Variants in IMMP2L observed in about 807,000 individuals in gnomAD.
IMMP2L encodes inner mitochondrial membrane peptidase subunit 2, also known as mitochondrial inner membrane protease subunit 2.
Under a neutral mutation model 19.3 loss-of-function variants are expected in IMMP2L, and 18 were observed. The ratio of observed to expected loss-of-function variants is 0.93; its 90% confidence interval spans 0.64 to 1.38. The LOEUF is 1.38. Ranked by LOEUF, IMMP2L falls within the 40% of genes most tolerant of loss-of-function variation. The pLI is 0.00. For synonymous variants in IMMP2L, 76 were observed against 73.0 expected (o/e 1.04, Z -0.21); for missense variants, 233 against 218.2 (o/e 1.07, Z -0.43).
chr7:110,997,066 C>T (rs1056260927), intron 3 of IMMP2L, among the ~76,000 whole-genome samples: 1 of 151,966 alleles, frequency 6.6e-6, no homozygotes, highest in African/African-American at 2.4e-5. Context: ...CACCTCCTTC[C>T]CTCTCCCCCA....
intron 3 of IMMP2L, among the ~76,000 whole-genome samples, chr7:111,146,760 T>C (rs1162278715): frequency 6.6e-6 from 1 of 152,108 alleles, no homozygotes; most frequent in Non-Finnish European, 1.5e-5. Context: ...AAGAAACGTT[T>C]TGAAAAAAAC....
At chr7:110,787,267 A>G (rs1251988267) in intron 5 of IMMP2L, among the ~76,000 whole-genome samples, 2 of 151,968 alleles carry the variant, frequency 1.3e-5, no homozygotes, top group African/African-American at 4.8e-5. Context: ...ACATTTTCCT[A>G]ATAGGTAAGA....
At position 110,695,919 on chromosome 7, in the gene IMMP2L, T is replaced by C. The variant is rs544173841; in HGVS notation, c.409-32198A>G. On this transcript the variant is annotated intron_variant, in intron 5 of 5. Coordinates refer to ENST00000405709, the MANE Select transcript of IMMP2L (RefSeq NM_032549.4). ...ACAGGTTAATAAACTGAAGTCTTTG[T>C]CTCCAAAAGCTAACACTCTAATACA... 5.9e-5 allele frequency among the ~76,000 whole-genome samples: 9 copies of C among 152,312 alleles called. No homozygotes were observed. In the South Asian group the frequency reaches 1.9e-3, roughly 32 times the overall value.
chr7:111,058,206 C>G (rs1216042611), intron 3 of IMMP2L, among the ~76,000 whole-genome samples: 2 of 152,098 alleles, frequency 1.3e-5, no homozygotes, highest in African/African-American at 2.4e-5. Flanking sequence ...CATCCTTTTT[C>G]TAACTCAGGC....
chr7:110,804,159 A>C (rs1801453348), intron 5 of IMMP2L, among the ~76,000 whole-genome samples: 1 of 152,090 alleles, frequency 6.6e-6, no homozygotes, highest in Non-Finnish European at 1.5e-5. Context: ...TATCATCTCC[A>C]AACACCCAGG....
intron 3 of IMMP2L, among the ~76,000 whole-genome samples, chr7:111,484,552 A>G (rs971044224): frequency 2.0e-5 from 3 of 152,196 alleles, no homozygotes; most frequent in Non-Finnish European, 1.5e-5. Flanking sequence ...ACACTTCTGT[A>G]TGTGTCACAC....
At chr7:111,487,534 G>T (rs893563699) in intron 2 of IMMP2L, among the ~76,000 whole-genome samples, 193 bp from the exon 3 acceptor site, 1 of 151,938 alleles carries the variant, frequency 6.6e-6, no homozygotes, top group African/African-American at 2.4e-5. Flanking sequence ...AGATGAACCA[G>T]AAAAAAATAA....
At position 110,886,618 on chromosome 7, in the gene IMMP2L, CTG is replaced by C; in HGVS notation, c.381_382del (p.His127GlnfsTer3). 1.9e-6 allele frequency: 3 copies of C among 1,604,134 alleles called. No homozygotes were observed. Among genetic ancestry groups the C allele is most frequent in the Non-Finnish European group, 2.6e-6 (3 of 1,171,170 alleles). ...CGGCCCAAAAGAATTACTGTCAAAA[CTG>C]TGTCCATGATGATCACCTTCAACCC... On this transcript the variant is annotated frameshift_variant, in exon 5 of 6. Transcript: ENST00000405709. LOFTEE classifies it high-confidence loss of function.
chr7:111,559,385 C>T (rs568005061), intron 1 of IMMP2L, among the ~76,000 whole-genome samples: 1 of 152,196 alleles, frequency 6.6e-6, no homozygotes, highest in Admixed American at 6.5e-5. Flanking sequence ...AATGGAAATC[C>T]TAAGTTTAAG....
At chr7:110,896,213 C>T (rs371925085) in intron 4 of IMMP2L, among the ~76,000 whole-genome samples, 4 of 152,114 alleles carry the variant, frequency 2.6e-5, no homozygotes, top group East Asian at 3.9e-4. Flanking sequence ...AGCATAATTA[C>T]AGACATTATA....
chr7:110,753,530 C>T (rs1327679700), intron 5 of IMMP2L, among the ~76,000 whole-genome samples: 1 of 151,960 alleles, frequency 6.6e-6, no homozygotes, highest in Admixed American at 6.6e-5. Flanking sequence ...ATGCTGAATT[C>T]TAAACTATTA....
chr7:111,362,968 T>G (rs1829404162), intron 3 of IMMP2L, among the ~76,000 whole-genome samples: 1 of 152,072 alleles, frequency 6.6e-6, no homozygotes, highest in Non-Finnish European at 1.5e-5. Context: ...AGGACTTAGA[T>G]TCCTTCAAAA....
chr7:111,101,731 G>C (rs923764246), intron 3 of IMMP2L, among the ~76,000 whole-genome samples: 3 of 151,394 alleles, frequency 2.0e-5, no homozygotes, highest in Admixed American at 6.6e-5. Flanking sequence ...AAATGAGTTA[G>C]GGGTTTGATT....
rs760392143 is a variant in IMMP2L, at chr7:111,123,504, C to T, written c.240-159939G>A. ...AAAACTTAGAAAGCATCTCTTTTTA[C>T]GATAACAGGCTTATTAAAGTACCCC... On this transcript the variant is annotated intron_variant, in intron 3 of 5. Transcript: ENST00000405709. The surrounding 1 kb of genome is among the most constrained non-coding windows in gnomAD (Gnocchi z 6.4). The T allele has an allele frequency of 1.4e-5, 23 of 1,613,620 alleles. No individual in the cohort carries two copies. Among genetic ancestry groups the T allele is most frequent in the Admixed American group, 1.0e-4 (6 of 59,904 alleles).
At chr7:110,969,008 C>G (rs1181098128) in intron 3 of IMMP2L, among the ~76,000 whole-genome samples, 1 of 151,978 alleles carries the variant, frequency 6.6e-6, no homozygotes, top group Non-Finnish European at 1.5e-5. Flanking sequence ...TTCAGGTTCT[C>G]TTTCATGGGA....
Position 111,501,095 on chromosome 7 carries a change from TACCTAGAATA to T in IMMP2L, c.136-13764_136-13755del, listed in dbSNP as rs1400231585. ...TTTGAAAAAAAATTAGACGAATGGA[TACCTAGAATA>T]ACCAATGCAGAGAAGTCCTTAAAGG... is the stretch of plus-strand genomic sequence containing the variant. On this transcript the variant is annotated intron_variant, in intron 2 of 5. Coordinates refer to ENST00000405709, the MANE Select transcript of IMMP2L (RefSeq NM_032549.4). Among the ~76,000 whole-genome samples the T allele has an allele frequency of 8.9e-4, 135 of 152,128 alleles. 3 individuals are homozygous for T. The highest frequency in any genetic ancestry group is 3.1e-4 in the Non-Finnish European group (21 of 67,990).
intron 3 of IMMP2L, among the ~76,000 whole-genome samples, chr7:111,374,414 T>C (rs1830506227): frequency 6.6e-6 from 1 of 151,918 alleles, no homozygotes; most frequent in African/African-American, 2.4e-5. Flanking sequence ...TAGAACTTAG[T>C]GATGAGAAGC....
intron 5 of IMMP2L, among the ~76,000 whole-genome samples, chr7:110,800,362 TG>T (rs1411969978): frequency 6.6e-6 from 1 of 152,084 alleles, no homozygotes; most frequent in African/African-American, 2.4e-5. Flanking sequence ...TCTCATTTAA[TG>T]ATGTATGTCT....
chr7:111,131,310 C>A (rs1801824421), intron 3 of IMMP2L, among the ~76,000 whole-genome samples: 2 of 151,978 alleles, frequency 1.3e-5, no homozygotes, highest in South Asian at 4.1e-4. Context: ...GTGCCACAGT[C>A]CAGGCTCAGT....
Sources: gnomAD v4.1 joint callset for allele counts (sites outside exome capture counted in the v4.1 genomes callset) on GRCh38, gnomAD v4.1.1 for gene constraint, Gnocchi (gnomAD v3.1) non-coding constraint, MANE v1.5 for transcripts, NCBI Gene and HGNC (gene_info 2026-07-23, HGNC 2026-07-21) for gene names.